ADGRL3: variants seen among roughly 807,000 people sequenced by gnomAD.
ADGRL3 encodes adhesion G protein-coupled receptor L3.
Under a neutral mutation model 153.5 loss-of-function variants are expected in ADGRL3, and 62 were observed. That is an observed-to-expected ratio of 0.40 (90% CI 0.33 to 0.50). ADGRL3 has a LOEUF of 0.50. Among genes scored for constraint, ADGRL3 ranks in the 20% least tolerant of loss-of-function variants. The pLI, the probability that ADGRL3 is intolerant of heterozygous loss-of-function variation, is 0.47. For synonymous variants in ADGRL3, 710 were observed against 672.5 expected (o/e 1.06, Z -0.86); for missense variants, 1,641 against 1,859.4 (o/e 0.88, Z 2.16).
At chr4:61,466,944 C>T (rs761743062) in intron 2 of ADGRL3, among the ~76,000 whole-genome samples, 18 of 151,932 alleles carry the variant, frequency 1.2e-4, no homozygotes, top group Non-Finnish European at 2.4e-4. Context: ...AAATATGCTA[C>T]AAGTATTTAG....
At chr4:61,414,742 T>G (rs768781994) in intron 2 of ADGRL3, among the ~76,000 whole-genome samples, 2 of 152,040 alleles carry the variant, frequency 1.3e-5, no homozygotes, top group Non-Finnish European at 2.9e-5. Context: ...CTGCTTGATC[T>G]CTGGTTGTTA....
At chr4:61,806,522 T>C (rs1257632417) in intron 8 of ADGRL3, among the ~76,000 whole-genome samples, 1 of 152,050 alleles carries the variant, frequency 6.6e-6, no homozygotes, top group Admixed American at 6.6e-5. Flanking sequence ...TTCTATCTAA[T>C]ATACAATTCC....
At chr4:61,856,598 CTCTCTCTTTTTTTTTT>C (rs1250476061) in intron 9 of ADGRL3, among the ~76,000 whole-genome samples, 2,138 of 56,626 alleles carry the variant, frequency 0.038, 53 homozygotes, top group Non-Finnish European at 0.071. Flanking sequence ...CTCTCTCTCT[CTCTCTCTTTTTTTTTT>C]TTTTTTTTTT....
intron 5 of ADGRL3, among the ~76,000 whole-genome samples, chr4:61,653,533 C>G (rs908009108): frequency 1.3e-5 from 2 of 152,032 alleles, no homozygotes; most frequent in African/African-American, 4.8e-5. Flanking sequence ...TGGAAAAGTC[C>G]AGGGTTTAAC....
intron 4 of ADGRL3, among the ~76,000 whole-genome samples, chr4:61,521,806 G>T (rs2098532821): frequency 6.6e-6 from 1 of 151,968 alleles, no homozygotes; most frequent in Non-Finnish European, 1.5e-5. Flanking sequence ...GAATAATGAT[G>T]TTGTTAACCA....
chr4:61,813,845 C>T lies in ADGRL3; in HGVS notation c.1436C>T (p.Pro479Leu), dbSNP rs369987771. The change falls in exon 9 of 27, where the codon CCG becomes CTG. Residue 479 changes from proline (P) to leucine (L), a missense_variant. By Grantham distance (98) the Pro-to-Leu change is moderately conservative. Around this residue, in one of 5 missense-constraint regions of ADGRL3, gnomAD observed 734 missense variants for 797.0 expected, o/e 0.92. Coordinates refer to ENST00000683033, the MANE Select transcript of ADGRL3 (RefSeq NM_001387552.1). Reference sequence around the variant, plus strand: ...CATGGACAAGTTTCATACATTTCTCCGCCAATTCACCTTGACTCTGAGCTA... The same window carrying T: ...CATGGACAAGTTTCATACATTTCTCTGCCAATTCACCTTGACTCTGAGCTA... ...AHHGQVSYIS[P>L]PIHLDSELER... 17 of 1,571,956 alleles carry T rather than the reference C, an allele frequency of 1.1e-5. No individual in the cohort carries two copies. The highest frequency in any genetic ancestry group is 3.3e-5 in the Admixed American group (2 of 59,952).
At chr4:61,811,158 C>T (rs2097611976) in intron 8 of ADGRL3, among the ~76,000 whole-genome samples, 1 of 152,006 alleles carries the variant, frequency 6.6e-6, no homozygotes, top group Non-Finnish European at 1.5e-5. Context: ...AAGAAAAATG[C>T]ACATAAAAAT....
chr4:61,892,182 CTTT>C (rs5858738), intron 9 of ADGRL3, among the ~76,000 whole-genome samples: 50 of 143,680 alleles, frequency 3.5e-4, no homozygotes, highest in African/African-American at 1.2e-3. Flanking sequence ...TTTCTGTTTC[CTTT>C]TTTTTTTTTT....
At chr4:61,791,298 G>A (rs535946564) in intron 8 of ADGRL3, among the ~76,000 whole-genome samples, 10 of 152,304 alleles carry the variant, frequency 6.6e-5, no homozygotes, top group Non-Finnish European at 1.5e-4. Context: ...TTCCAAATGG[G>A]ATAAACTGGC....
In ADGRL3 at chr4:61,674,716, C is replaced by T. The variant is rs143906441; in HGVS notation, c.474-2110C>T. On this transcript the variant is annotated intron_variant, in intron 5 of 26. Transcript: ENST00000683033. ...ATATCCCTGCCTATTGTATTAAAAA[C>T]TTGACATGGATTTATGAGGTTGTAT... Among the ~76,000 whole-genome samples, 996 of 151,906 alleles carry T rather than the reference C, an allele frequency of 6.6e-3. 7 individuals carry two copies. Among genetic ancestry groups the T allele is most frequent in the African/African-American group, 0.023 (950 of 41,494 alleles).
intron 24 of ADGRL3, among the ~76,000 whole-genome samples, chr4:62,040,331 C>T (rs1727528368): frequency 6.6e-6 from 1 of 151,898 alleles, no homozygotes; most frequent in Non-Finnish European, 1.5e-5. Context: ...CACAATTCTA[C>T]TCTTGGAAAA....
At chr4:61,534,912 T>A (rs745439673) in intron 4 of ADGRL3, among the ~76,000 whole-genome samples, 4 of 152,122 alleles carry the variant, frequency 2.6e-5, no homozygotes, top group Non-Finnish European at 5.9e-5. Flanking sequence ...CTTTTCCAAT[T>A]TGGATGCCTG....
At chr4:61,526,021 G>C (rs2152935906) in intron 4 of ADGRL3, among the ~76,000 whole-genome samples, 1 of 152,222 alleles carries the variant, frequency 6.6e-6, no homozygotes, top group South Asian at 2.1e-4. Flanking sequence ...GGGACAAGGA[G>C]GGATGCTGGG....
chr4:61,200,759 G>A lies in ADGRL3; in HGVS notation c.-1246G>A, dbSNP rs571261133. 1.7e-3 allele frequency among the ~76,000 whole-genome samples: 264 copies of A among 152,222 alleles called. No individual in the cohort carries two copies. Among genetic ancestry groups the A allele is most frequent in the African/African-American group, 6.1e-3 (253 of 41,548 alleles). ...AGCGCCAGTGCCTCGCTCGCTCTTG[G>A]GGAGTCGAAGAAGAGAAAGAACCGA... On this transcript the variant is annotated 5_prime_UTR_variant, in exon 1 of 27. Transcript: ENST00000683033.
At chr4:61,996,409 C>T in intron 20 of ADGRL3, 52 bp downstream of exon 20, 1 of 1,279,996 alleles carries the variant, frequency 7.8e-7, no homozygotes. Context: ...GTAAAACTTT[C>T]ACTATCCCAG....
At chr4:61,715,663 TA>T (rs554969199) in intron 6 of ADGRL3, among the ~76,000 whole-genome samples, 61 of 151,894 alleles carry the variant, frequency 4.0e-4, no homozygotes, top group Non-Finnish European at 7.1e-4. Flanking sequence ...TTGTGGTAGT[TA>T]AAAAAAAGAT....
In ADGRL3 at chr4:61,402,201, G is replaced by A. The variant is rs551625588; in HGVS notation, c.-174+19012G>A. On this transcript the variant is annotated intron_variant, in intron 2 of 26. Coordinates refer to ENST00000683033, the MANE Select transcript of ADGRL3 (RefSeq NM_001387552.1). ...AGCAGTGTGGCAAATTAATCTTGTG[G>A]GCTGTAGTTTGCTAAAGCCTCGTCT... is the stretch of plus-strand genomic sequence containing the variant. 2.6e-5 allele frequency among the ~76,000 whole-genome samples: 4 copies of A among 152,132 alleles called. No homozygotes were observed. In the East Asian group the frequency reaches 7.7e-4, roughly 29 times the overall value.
intron 8 of ADGRL3, among the ~76,000 whole-genome samples, chr4:61,777,601 A>G (rs1359351249): frequency 6.6e-6 from 1 of 152,144 alleles, no homozygotes; most frequent in African/African-American, 2.4e-5. Flanking sequence ...GAATTCCATG[A>G]AGGAATGTAT....
intron 1 of ADGRL3, among the ~76,000 whole-genome samples, chr4:61,382,238 CATAA>C (rs2096678062): frequency 6.6e-6 from 1 of 151,230 alleles, no homozygotes; most frequent in African/African-American, 2.4e-5. Context: ...ACACTAATAG[CATAA>C]ATAAATACTA....
Sources: gnomAD v4.1 joint callset for allele counts (sites outside exome capture counted in the v4.1 genomes callset) on GRCh38, gnomAD v4.1.1 for gene constraint, gnomAD v4.1.1 regional missense constraint, MANE v1.5 for transcripts, NCBI Gene and HGNC (gene_info 2026-07-23, HGNC 2026-07-21) for gene names.